The following KRABD4 variants were observed in gnomAD, a reference collection of about 807,000 sequenced individuals.
KRABD4 encodes the protein KRAB domain-containing protein 4.
the KRABD4 span, among the ~76,000 whole-genome samples, chrX:46,461,015 A>G: frequency 6.0e-5 from 6 of 100,103 alleles, no homozygotes; most frequent in East Asian, 2.0e-3. Context: ...TACTTTGATC[A>G]CTTCAGAGGC....
the KRABD4 span, chrX:46,456,872 A>G: frequency 2.5e-6 from 1 of 399,325 alleles, no homozygotes; most frequent in Non-Finnish European, 4.0e-6. Flanking sequence ...GGAATCCAAT[A>G]TCCAACTTGT....
chrX:46,451,139 T>C, the KRABD4 span, among the ~76,000 whole-genome samples: 1 of 112,031 alleles, frequency 8.9e-6, no homozygotes, highest in African/African-American at 3.3e-5. Flanking sequence ...TTCATATTTA[T>C]GATAATAAGT....
chrX:46,451,197 G>T, the KRABD4 span, among the ~76,000 whole-genome samples: 1 of 112,215 alleles, frequency 8.9e-6, no homozygotes, highest in Non-Finnish European at 1.9e-5. Context: ...TAGCCCAAAA[G>T]ATTCTATTCC....
chrX:46,462,910 T>A, the KRABD4 span: 1 of 1,205,752 alleles, frequency 8.3e-7, no homozygotes, highest in Admixed American at 2.2e-5. Flanking sequence ...GCAGAATGCC[T>A]CCAGTACTGT....
the KRABD4 span, chrX:46,456,004 G>C: frequency 3.1e-6 from 1 of 326,411 alleles, no homozygotes; most frequent in African/African-American, 2.7e-5. Context: ...ATGTAGGCAG[G>C]CTAAAGTCAT....
At chrX:46,473,460 A>G in the KRABD4 span, 27 of 1,040,814 alleles carry the variant, frequency 2.6e-5, no homozygotes, top group East Asian at 1.6e-4. Flanking sequence ...TAGGAAGTCA[A>G]CTCTCATTAA....
the KRABD4 span, chrX:46,474,551 A>T: frequency 8.9e-6 from 1 of 112,221 alleles, no homozygotes; most frequent in Non-Finnish European, 1.9e-5. Context: ...ACACACATTT[A>T]AAAAGCTCTC....
chrX:46,462,424 C>G, the KRABD4 span: 18 of 235,457 alleles, frequency 7.6e-5, no homozygotes, highest in African/African-American at 2.9e-4. Context: ...GCAGGAGAAT[C>G]GCTTGAACCC....
chrX:46,457,631 T>G, the KRABD4 span, among the ~76,000 whole-genome samples: 5 of 108,463 alleles, frequency 4.6e-5, no homozygotes, highest in East Asian at 5.7e-4. Context: ...GAGTTTTTTT[T>G]TTTTTTTTTT....
the KRABD4 span, chrX:46,456,641 C>T: frequency 1.1e-5 from 3 of 280,480 alleles, no homozygotes; most frequent in African/African-American, 8.6e-5. Flanking sequence ...AAGATAACAT[C>T]CACCAAGCAG....
the KRABD4 span, chrX:46,454,488 T>C: frequency 9.0e-6 from 1 of 111,086 alleles, no homozygotes; most frequent in African/African-American, 3.3e-5. Context: ...CCCAACACAA[T>C]TCGTAAACTT....
At chrX:46,469,399 T>A in the KRABD4 span, among the ~76,000 whole-genome samples, 3 of 112,387 alleles carry the variant, frequency 2.7e-5, no homozygotes, top group African/African-American at 9.7e-5. Context: ...GTCTTGCACA[T>A]ATTTTGTTTA....
chrX:46,456,044 A>G, the KRABD4 span: 1 of 359,370 alleles, frequency 2.8e-6, no homozygotes, highest in Non-Finnish European at 5.4e-6. Context: ...CTCTTCTGAA[A>G]TCTACTCTTC....
the KRABD4 span, among the ~76,000 whole-genome samples, chrX:46,461,866 A>G: frequency 1.8e-5 from 2 of 110,776 alleles, no homozygotes; most frequent in Non-Finnish European, 3.8e-5. Flanking sequence ...TCCTTTGTGG[A>G]CCACCCGGAC....
the KRABD4 span, chrX:46,454,315 C>G: frequency 8.2e-6 from 1 of 121,534 alleles, no homozygotes; most frequent in Non-Finnish European, 1.7e-5. Context: ...ACGCCTCCAT[C>G]TGCTTGAGAT....
At chrX:46,468,369 T>C in the KRABD4 span, among the ~76,000 whole-genome samples, 1 of 109,601 alleles carries the variant, frequency 9.1e-6, no homozygotes, top group Non-Finnish European at 1.9e-5. Flanking sequence ...ACCCCGTCTA[T>C]ACTAAAAAAT....
At chrX:46,459,632 G>A in the KRABD4 span, among the ~76,000 whole-genome samples, 18 of 111,456 alleles carry the variant, frequency 1.6e-4, no homozygotes, top group East Asian at 4.5e-3. Flanking sequence ...CTTTTATTAT[G>A]AAGTAACCTC....
the KRABD4 span, among the ~76,000 whole-genome samples, chrX:46,468,630 T>C: frequency 9.0e-6 from 1 of 111,189 alleles, no homozygotes. Flanking sequence ...AAGAATTTAA[T>C]ATATATAAAA....
chrX:46,466,851 A>G, the KRABD4 span, among the ~76,000 whole-genome samples: 1 of 112,160 alleles, frequency 8.9e-6, no homozygotes, highest in African/African-American at 3.2e-5. Flanking sequence ...TGTAACTACT[A>G]CTACAATCAA....
Sources: gnomAD v4.1 joint callset for allele counts (sites outside exome capture counted in the v4.1 genomes callset) on GRCh38, gnomAD v4.1.1 for gene constraint, MANE v1.5 for transcripts, NCBI Gene and HGNC (gene_info 2026-07-23, HGNC 2026-07-21) for gene names.